Variants in PDE4D observed in about 807,000 individuals in gnomAD.
PDE4D encodes the protein phosphodiesterase 4D, also known as 3',5'-cyclic-AMP phosphodiesterase 4D.
A neutral mutation model predicts 87.4 loss-of-function variants in PDE4D; 24 were observed. The observed-to-expected ratio is 0.27, with a 90% CI of 0.20 to 0.39. The LOEUF is 0.39. PDE4D is among the 10% of genes least tolerant of loss of function. The pLI, the probability that PDE4D is intolerant of heterozygous loss-of-function variation, is 1.00. For missense variants in PDE4D, 714 were observed against 1,041.0 expected, an observed-to-expected ratio of 0.69 and a Z score of 4.32; for synonymous variants, 384 against 383.2, an observed-to-expected ratio of 1.00 and a Z score of -0.02.
chr5:59,709,071 C>T (rs879452553), intron 1 of PDE4D, among the ~76,000 whole-genome samples: 4 of 152,044 alleles, frequency 2.6e-5, no homozygotes, highest in Admixed American at 2.6e-4. Flanking sequence ...TTCTTCTACC[C>T]ACTCAACTAA....
intron 1 of PDE4D, among the ~76,000 whole-genome samples, chr5:60,416,294 A>G (rs1195964016): frequency 6.6e-6 from 1 of 152,228 alleles, no homozygotes; most frequent in Non-Finnish European, 1.5e-5. Flanking sequence ...GAATAAAAGC[A>G]GGCTGCCTGA....
intron 1 of PDE4D, among the ~76,000 whole-genome samples, chr5:59,229,082 T>C (rs1754540756): frequency 6.6e-6 from 1 of 152,110 alleles, no homozygotes. Context: ...ATGAACTTTG[T>C]TTTTTACTTA....
At chr5:59,505,249 G>T (rs915590410) in intron 1 of PDE4D, among the ~76,000 whole-genome samples, 4 of 152,164 alleles carry the variant, frequency 2.6e-5, no homozygotes, top group African/African-American at 7.2e-5. Flanking sequence ...GTTATTATTA[G>T]CAGAAGTTGA....
intron 1 of PDE4D, among the ~76,000 whole-genome samples, chr5:60,369,063 C>T (rs1229532625): frequency 6.6e-6 from 1 of 151,964 alleles, no homozygotes; most frequent in Admixed American, 6.6e-5. Flanking sequence ...TCCTTCTCTC[C>T]TCTGTGTTCT....
chr5:60,101,181 T>C (rs1776176136), intron 2 of PDE4D, among the ~76,000 whole-genome samples: 1 of 151,930 alleles, frequency 6.6e-6, no homozygotes, highest in South Asian at 2.1e-4. Flanking sequence ...TCCAGTATAA[T>C]AAAATCTGGT....
chr5:60,496,352 G>A (rs1749814818), intron 1 of PDE4D, among the ~76,000 whole-genome samples: 1 of 152,058 alleles, frequency 6.6e-6, no homozygotes, highest in Non-Finnish European at 1.5e-5. Context: ...ATTATTTTAG[G>A]CTGCCCATCA....
At chr5:59,108,914 A>AAAAAAAAAAT (rs1341145818) in intron 5 of PDE4D, among the ~76,000 whole-genome samples, 9 of 151,456 alleles carry the variant, frequency 5.9e-5, no homozygotes, top group Middle Eastern at 3.4e-3. Context: ...CTCAAAAAAA[A>AAAAAAAAAAT]AAAAGAAAGA....
intron 2 of PDE4D, among the ~76,000 whole-genome samples, chr5:60,009,452 A>T (rs1450887460): frequency 6.6e-6 from 1 of 152,044 alleles, no homozygotes; most frequent in Non-Finnish European, 1.5e-5. Context: ...GTAGTGTGAC[A>T]ATGACAAACA....
chr5:59,352,005 C>T (rs888993918), intron 1 of PDE4D, among the ~76,000 whole-genome samples: 1 of 152,098 alleles, frequency 6.6e-6, no homozygotes, highest in African/African-American at 2.4e-5. Context: ...CACAGACTTC[C>T]AGAATTCACA....
At chr5:59,287,418 C>T (rs1421924797) in intron 1 of PDE4D, among the ~76,000 whole-genome samples, 1 of 152,064 alleles carries the variant, frequency 6.6e-6, no homozygotes, top group Non-Finnish European at 1.5e-5. Context: ...CGGTAGATTC[C>T]TAAGATTTCT....
chr5:59,386,474 C>T (rs1012438895), intron 1 of PDE4D, among the ~76,000 whole-genome samples: 4 of 151,934 alleles, frequency 2.6e-5, no homozygotes, highest in Admixed American at 6.6e-5. Context: ...GTAATTAGAC[C>T]ATTCCCCTGT....
intron 1 of PDE4D, among the ~76,000 whole-genome samples, chr5:59,575,813 A>C (rs1412343770): frequency 6.6e-6 from 1 of 152,202 alleles, no homozygotes; most frequent in African/African-American, 2.4e-5. Context: ...TGAGTAAGAC[A>C]GTCATAAACA....
chr5:59,099,567 GTACGAGT>G (rs543677503), intron 5 of PDE4D, among the ~76,000 whole-genome samples: 1,799 of 152,322 alleles, frequency 0.012, 45 homozygotes, highest in African/African-American at 0.041. Flanking sequence ...AAATGTGACA[GTACGAGT>G]TACTGTTTGT....
chr5:59,155,987 G>A (rs945023587), intron 5 of PDE4D, among the ~76,000 whole-genome samples: 4 of 152,084 alleles, frequency 2.6e-5, no homozygotes, highest in Non-Finnish European at 5.9e-5. Context: ...AGAGAGGACA[G>A]GTTTGGAATT....
chr5:59,651,240 A>T (rs1202267662), intron 1 of PDE4D, among the ~76,000 whole-genome samples: 1 of 146,876 alleles, frequency 6.8e-6, no homozygotes, highest in Admixed American at 6.9e-5. Flanking sequence ...TGGGCAACAG[A>T]GTGAGACTCT....
intron 1 of PDE4D, among the ~76,000 whole-genome samples, chr5:59,328,104 T>A (rs1776039614): frequency 6.6e-6 from 1 of 152,158 alleles, no homozygotes; most frequent in South Asian, 2.1e-4. Context: ...ATTATATCCT[T>A]TTATTAGAAA....
intron 2 of PDE4D, among the ~76,000 whole-genome samples, chr5:59,201,023 A>G (rs1747230820): frequency 6.6e-6 from 1 of 152,052 alleles, no homozygotes; most frequent in Admixed American, 6.5e-5. Flanking sequence ...AATGATTCCA[A>G]TCTATATTCG....
chr5:59,466,792 A>G (rs1323988580), intron 1 of PDE4D, among the ~76,000 whole-genome samples: 2 of 152,220 alleles, frequency 1.3e-5, no homozygotes, highest in African/African-American at 2.4e-5. Context: ...GTTAGGGAAG[A>G]TAGAACCAAT....
intron 1 of PDE4D, among the ~76,000 whole-genome samples, chr5:60,410,643 C>T (rs1287451520): frequency 1.3e-5 from 2 of 152,158 alleles, no homozygotes; most frequent in African/African-American, 4.8e-5. Context: ...TCATTTAATC[C>T]TCAGCAACCA....
Sources: gnomAD v4.1 joint callset for allele counts (sites outside exome capture counted in the v4.1 genomes callset) on GRCh38, gnomAD v4.1.1 for gene constraint, MANE v1.5 for transcripts, NCBI Gene and HGNC (gene_info 2026-07-23, HGNC 2026-07-21) for gene names.